Variants in CYFIP2 observed in about 807,000 individuals in gnomAD.
CYFIP2 encodes cytoplasmic FMR1-interacting protein 2.
In CYFIP2, 29 loss-of-function variants were observed where a neutral mutation model predicts 158.7. The observed-to-expected ratio is 0.18, with a 90% CI of 0.14 to 0.25. The LOEUF (loss-of-function observed/expected upper bound fraction) is 0.25, where lower values mean the gene tolerates loss of function less well. CYFIP2 is among the 10% of genes least tolerant of loss of function. The probability of loss-of-function intolerance (pLI) is 1.00; values close to 1 mark genes in which losing one functional copy is unlikely to be tolerated. For synonymous variants in CYFIP2, 585 were observed against 617.6 expected (o/e 0.95, Z 0.78); for missense variants, 852 against 1,639.5 (o/e 0.52, Z 8.29).
Position 157,319,908 on chromosome 5 carries a change from G to A in CYFIP2, c.1503G>A (p.Lys501=), listed in dbSNP as rs1760451945. ...LREPLRQAVR[K]KKNVLISVLQ... Reference sequence around the variant, plus strand: ...AGCCCCTGCGGCAGGCGGTACGGAAGAAGAAGAATGTCCTCATCAGGTGGG... The same window carrying A: ...AGCCCCTGCGGCAGGCGGTACGGAAAAAGAAGAATGTCCTCATCAGGTGGG... Residue 501 remains lysine (K), a synonymous_variant, in exon 14 of 31, where the codon AAG becomes AAA. Transcript: ENST00000620254. 6.2e-7 allele frequency: 1 copy of A among 1,614,046 alleles called. No individual in the cohort carries two copies. The highest frequency in any genetic ancestry group is 1.1e-5 in the South Asian group (1 of 91,084).
At chr5:157,331,031 TC>T (rs1761418321) in intron 20 of CYFIP2, among the ~76,000 whole-genome samples, 181 bp downstream of exon 20, 1 of 152,160 alleles carries the variant, frequency 6.6e-6, no homozygotes, top group Non-Finnish European at 1.5e-5. Context: ...GCATTGGGCT[TC>T]CTTTGGCTCA....
At chr5:157,377,815 G>C (rs559449189) in intron 26 of CYFIP2, among the ~76,000 whole-genome samples, 4 of 152,164 alleles carry the variant, frequency 2.6e-5, no homozygotes, top group African/African-American at 9.7e-5. Context: ...TATAGAGAAC[G>C]TGCAGGTCCT....
chr5:157,319,739 AC>A, intron 13 of CYFIP2, 22 bp from the exon 14 acceptor site: 1 of 1,612,294 alleles, frequency 6.2e-7, no homozygotes, highest in South Asian at 1.1e-5. Flanking sequence ...GGTGAACATG[AC>A]CCTTGGCCTC....
intron 3 of CYFIP2, among the ~76,000 whole-genome samples, chr5:157,292,381 G>A (rs985271211): frequency 2.0e-5 from 3 of 151,898 alleles, no homozygotes; most frequent in South Asian, 2.1e-4. Context: ...CACCATGCCC[G>A]GCTAACTTTG....
intron 23 of CYFIP2, among the ~76,000 whole-genome samples, chr5:157,344,624 T>C (rs1762546424): frequency 6.6e-6 from 1 of 152,186 alleles, no homozygotes; most frequent in African/African-American, 2.4e-5. Flanking sequence ...TGCAGTTCCC[T>C]CTACTGATTG....
chr5:157,385,876 A>G (rs1306381828), intron 28 of CYFIP2, among the ~76,000 whole-genome samples: 1 of 152,094 alleles, frequency 6.6e-6, no homozygotes, highest in Non-Finnish European at 1.5e-5. Flanking sequence ...TTAAACTCAC[A>G]TAAGAAGGGC....
At chr5:157,372,453 T>G (rs550781341) in intron 26 of CYFIP2, among the ~76,000 whole-genome samples, 1 of 152,304 alleles carries the variant, frequency 6.6e-6, no homozygotes, top group Non-Finnish European at 1.5e-5. Flanking sequence ...GAATTTTTCC[T>G]AATATGAAGT....
chr5:157,288,643 G>C (rs11747736), intron 3 of CYFIP2: 93,682 of 454,670 alleles, frequency 0.21, 11,304 homozygotes, highest in African/African-American at 0.36. Flanking sequence ...ATTTGCTCCT[G>C]ACATCAACCC....
At chr5:157,298,071 G>A (rs556776529) in intron 5 of CYFIP2, among the ~76,000 whole-genome samples, 13 of 152,198 alleles carry the variant, frequency 8.5e-5, no homozygotes, top group Admixed American at 7.9e-4. Context: ...GAAGCAGAGT[G>A]GAGCTCAATC....
At chr5:157,338,087 C>T (rs1042171768) in intron 21 of CYFIP2, among the ~76,000 whole-genome samples, 1 of 152,202 alleles carries the variant, frequency 6.6e-6, no homozygotes, top group African/African-American at 2.4e-5. Flanking sequence ...TACTTTGATT[C>T]CTTTTGATAG....
chr5:157,312,321 TA>T (rs1467327697), intron 11 of CYFIP2, among the ~76,000 whole-genome samples: 1 of 151,864 alleles, frequency 6.6e-6, no homozygotes, highest in Non-Finnish European at 1.5e-5. Flanking sequence ...TTTCCTTTTT[TA>T]AAAACTTTTT....
At chr5:157,286,179 A>T (rs1757359852) in intron 2 of CYFIP2, among the ~76,000 whole-genome samples, 1 of 152,106 alleles carries the variant, frequency 6.6e-6, no homozygotes. Context: ...TCGGCCCATA[A>T]ACTTCATTGA....
Position 157,394,780 on chromosome 5 carries a change from G to A in CYFIP2, c.*1780G>A, listed in dbSNP as rs1767617806. The A allele has an allele frequency of 6.6e-6, 1 of 152,198 alleles. No individual in the cohort carries two copies. The highest frequency in any genetic ancestry group is 2.1e-4 in the South Asian group (1 of 4,828). The allele number at this position is 152,198 out of a possible 1,614,324, so 9.4% of individuals were successfully genotyped here. A position where few individuals can be genotyped will look rare whatever the true frequency, so the allele number is the denominator to read the frequency against. Reference sequence around the variant, plus strand: ...AGGGAGGAGGTTCCAAGTAGTAACTGGCAGATCCTCCTGTCTGGAGGTACC... The same window carrying A: ...AGGGAGGAGGTTCCAAGTAGTAACTAGCAGATCCTCCTGTCTGGAGGTACC... On this transcript the variant is annotated 3_prime_UTR_variant, in exon 31 of 31. Coordinates refer to ENST00000620254, the MANE Select transcript of CYFIP2 (RefSeq NM_001037333.3).
At position 157,311,468 on chromosome 5, in the gene CYFIP2, G is replaced by T; in HGVS notation, c.993-196G>T. Reference sequence around the variant, plus strand: ...ATGAGGCTGGCACCAAAGAGGAGGAGGAAGGACTGTTCCATTAGGCCTGAA... The same window carrying T: ...ATGAGGCTGGCACCAAAGAGGAGGATGAAGGACTGTTCCATTAGGCCTGAA... On this transcript the variant is annotated intron_variant, in intron 10 of 30. Coordinates refer to ENST00000620254, the MANE Select transcript of CYFIP2 (RefSeq NM_001037333.3). The surrounding 1 kb of genome is among the most constrained non-coding windows in gnomAD (Gnocchi z 4.7). 1.7e-6 allele frequency: 1 copy of T among 592,680 alleles called. No individual in the cohort carries two copies. The highest frequency in any genetic ancestry group is 3.0e-6 in the Non-Finnish European group (1 of 329,934). 36.7% of individuals were successfully genotyped at this position (592,680 alleles called of 1,614,324 possible). A position where few individuals can be genotyped will look rare whatever the true frequency, so the allele number is the denominator to read the frequency against.
chr5:157,293,148 C>T (rs1050914978), intron 3 of CYFIP2, among the ~76,000 whole-genome samples: 2 of 152,066 alleles, frequency 1.3e-5, no homozygotes, highest in Non-Finnish European at 2.9e-5. Context: ...CTCTGCCCCC[C>T]GAGTTCATGC....
intron 1 of CYFIP2, among the ~76,000 whole-genome samples, chr5:157,280,204 G>T (rs1160113941): frequency 1.3e-5 from 2 of 152,040 alleles, no homozygotes; most frequent in African/African-American, 4.8e-5. Flanking sequence ...GTATTTTTGT[G>T]TGTGTGTGTG....
chr5:157,270,549 A>T (rs1756006778), intron 1 of CYFIP2, among the ~76,000 whole-genome samples: 1 of 152,234 alleles, frequency 6.6e-6, no homozygotes, highest in African/African-American at 2.4e-5. Flanking sequence ...TTGTGCTTTT[A>T]AAATATGATG....
chr5:157,360,256 A>G (rs1204050421), intron 24 of CYFIP2, 26 bp from the exon 25 acceptor site: 12 of 1,596,234 alleles, frequency 7.5e-6, no homozygotes, highest in Non-Finnish European at 9.4e-6. Context: ...AATTCAGCCC[A>G]CTCATCTGTA....
intron 14 of CYFIP2, 46 bp downstream of exon 14, chr5:157,319,974 C>T (rs1409599065): frequency 2.5e-6 from 4 of 1,597,530 alleles, no homozygotes; most frequent in African/African-American, 2.7e-5. Context: ...ATAAGCATGC[C>T]AGGTACCCAT....
Sources: allele counts gnomAD v4.1 joint callset (sites outside exome capture counted in the v4.1 genomes callset), GRCh38; gene constraint gnomAD v4.1.1; non-coding constraint Gnocchi (gnomAD v3.1); transcripts MANE v1.5; gene names NCBI Gene and HGNC (gene_info 2026-07-23, HGNC 2026-07-21).